The following ATRNL1 variants were observed in gnomAD, a reference collection of about 807,000 sequenced individuals.
ATRNL1 encodes attractin like 1.
ATRNL1 carries 95 observed loss-of-function variants against 182.7 expected under a neutral mutation model. That is an observed-to-expected ratio of 0.52 (90% CI 0.44 to 0.62). ATRNL1 has a LOEUF of 0.62. ATRNL1 is among the 20% of genes least tolerant of loss of function. The pLI is 0.00. For synonymous variants in ATRNL1, 576 were observed against 568.3 expected, an observed-to-expected ratio of 1.01 and a Z score of -0.19; for missense variants, 1,471 against 1,679.5, an observed-to-expected ratio of 0.88 and a Z score of 2.17.
At chr10:115,491,793 A>T (rs1319134542) in intron 24 of ATRNL1, among the ~76,000 whole-genome samples, 8 of 152,148 alleles carry the variant, frequency 5.3e-5, no homozygotes, top group African/African-American at 1.9e-4. Flanking sequence ...CCACTGGGAT[A>T]TGAAAAAGAA....
rs189525220 is a variant in ATRNL1 at position 115,798,964 on chromosome 10, C to T, written c.3904-48913C>T. Among the ~76,000 whole-genome samples, 494 of 151,762 alleles carry T rather than the reference C, an allele frequency of 3.3e-3. 4 individuals carry two copies. Among genetic ancestry groups the T allele is most frequent in the African/African-American group, 0.012 (486 of 41,342 alleles). On this transcript the variant is annotated intron_variant, in intron 27 of 28. Coordinates refer to ENST00000355044, the MANE Select transcript of ATRNL1 (RefSeq NM_207303.4). ...GCCTCAGCCTCCCCAGTAGCTGGGA[C>T]GACAGGCACGTGCCACCATGCCTGG...
intron 27 of ATRNL1, among the ~76,000 whole-genome samples, chr10:115,817,207 C>T (rs1262724397): frequency 6.6e-6 from 1 of 151,894 alleles, no homozygotes; most frequent in Admixed American, 6.6e-5. Flanking sequence ...ATCTCGTGGT[C>T]GGATTTGAAT....
At chr10:115,267,858 T>A (rs1406923304) in intron 12 of ATRNL1, among the ~76,000 whole-genome samples, 1 of 152,076 alleles carries the variant, frequency 6.6e-6, no homozygotes, top group Non-Finnish European at 1.5e-5. Flanking sequence ...GTCTCCTGGT[T>A]TCAAGCAATT....
At chr10:115,559,644 C>A (rs1171609983) in intron 26 of ATRNL1, among the ~76,000 whole-genome samples, 2 of 152,142 alleles carry the variant, frequency 1.3e-5, no homozygotes, top group Non-Finnish European at 2.9e-5. Flanking sequence ...AGCTTGGATG[C>A]AAATCACATG....
intron 26 of ATRNL1, among the ~76,000 whole-genome samples, chr10:115,706,030 T>C (rs1946885821): frequency 6.6e-6 from 1 of 151,932 alleles, no homozygotes. Context: ...TAGTTCCCTG[T>C]GGCTAGTACA....
intron 20 of ATRNL1, among the ~76,000 whole-genome samples, chr10:115,406,053 T>C (rs1844814709): frequency 6.6e-6 from 1 of 152,070 alleles, no homozygotes; most frequent in Non-Finnish European, 1.5e-5. Flanking sequence ...TAGTATTCCA[T>C]GGTGTATATG....
intron 27 of ATRNL1, among the ~76,000 whole-genome samples, chr10:115,813,742 T>G (rs1373748530): frequency 3.9e-5 from 6 of 152,214 alleles, no homozygotes; most frequent in African/African-American, 1.4e-4. Flanking sequence ...TAATAATATG[T>G]AGTTTTTTAA....
intron 27 of ATRNL1, among the ~76,000 whole-genome samples, chr10:115,780,049 G>A (rs1949224455): frequency 6.6e-6 from 1 of 152,174 alleles, no homozygotes; most frequent in Admixed American, 6.5e-5. Flanking sequence ...GCTGAAAGAG[G>A]CACTGAAGAG....
chr10:115,175,074 A>C (rs1847447902), intron 8 of ATRNL1, among the ~76,000 whole-genome samples: 1 of 151,920 alleles, frequency 6.6e-6, no homozygotes, highest in African/African-American at 2.4e-5. Flanking sequence ...TTACATAGAT[A>C]CTCTCTAATC....
intron 26 of ATRNL1, among the ~76,000 whole-genome samples, chr10:115,681,428 G>A (rs1363800181): frequency 6.6e-6 from 1 of 152,032 alleles, no homozygotes; most frequent in Non-Finnish European, 1.5e-5. Context: ...CCACTTTAAA[G>A]ATGTCAAAAC....
intron 26 of ATRNL1, among the ~76,000 whole-genome samples, chr10:115,573,504 G>A (rs1340034688): frequency 2.0e-5 from 3 of 151,946 alleles, no homozygotes; most frequent in African/African-American, 7.3e-5. Flanking sequence ...GCAGCTTTGG[G>A]GCACAAAAAC....
At chr10:115,500,174 CTTATGTATGTAA>C (rs1849751373) in intron 24 of ATRNL1, among the ~76,000 whole-genome samples, 1 of 152,052 alleles carries the variant, frequency 6.6e-6, no homozygotes, top group Admixed American at 6.6e-5. Flanking sequence ...ATGAATGTGG[CTTATGTATGTAA>C]ATAGATTGCT....
chr10:115,626,760 T>C lies in ATRNL1; in HGVS notation c.3795+77224T>C, dbSNP rs112380492. On this transcript the variant is annotated intron_variant, in intron 26 of 28. Transcript: ENST00000355044. Reference sequence around the variant, plus strand: ...TATTTATTACTTATTCATATAGATATAAAATTTATTTTTCAAACTCAAGTT... The same window carrying C: ...TATTTATTACTTATTCATATAGATACAAAATTTATTTTTCAAACTCAAGTT... 5.8e-3 allele frequency among the ~76,000 whole-genome samples: 887 copies of C among 152,278 alleles called. 4 individuals carry two copies. The highest frequency in any genetic ancestry group is 0.02 in the African/African-American group (843 of 41,578).
intron 9 of ATRNL1, among the ~76,000 whole-genome samples, chr10:115,218,135 T>G (rs1554896664): frequency 6.6e-6 from 1 of 151,926 alleles, no homozygotes; most frequent in African/African-American, 2.4e-5. Flanking sequence ...CTCACCATAA[T>G]GTAGAATAAG....
At chr10:115,586,786 A>G (rs4298816) in intron 26 of ATRNL1, among the ~76,000 whole-genome samples, 108,169 of 111,866 alleles carry the variant, frequency 0.97, 52,688 homozygotes, top group Non-Finnish European at 1. Flanking sequence ...GCTTTGTTCC[A>G]TTGCTGGTGA....
intron 1 of ATRNL1, among the ~76,000 whole-genome samples, chr10:115,107,237 C>T (rs1844050997): frequency 6.6e-6 from 1 of 152,118 alleles, no homozygotes; most frequent in African/African-American, 2.4e-5. Context: ...GGCAAATTCC[C>T]TTCCAGCTGT....
chr10:115,232,522 GTGTAA>G (rs1849998883), intron 9 of ATRNL1, among the ~76,000 whole-genome samples: 1 of 151,918 alleles, frequency 6.6e-6, no homozygotes, highest in Non-Finnish European at 1.5e-5. Context: ...TTTACTCTTT[GTGTAA>G]TATTTGATAA....
intron 28 of ATRNL1, among the ~76,000 whole-genome samples, chr10:115,936,546 C>T (rs1343761142): frequency 6.6e-6 from 1 of 152,104 alleles, no homozygotes; most frequent in Non-Finnish European, 1.5e-5. Flanking sequence ...TTGGTAGTAA[C>T]AGATTATTAT....
chr10:115,738,134 T>TTGTTTTTTTTTTTG (rs1948019775), intron 27 of ATRNL1, among the ~76,000 whole-genome samples: 2 of 83,266 alleles, frequency 2.4e-5, no homozygotes, highest in Admixed American at 1.3e-4. Flanking sequence ...TGATTTTTTT[T>TTGTTTTTTTTTTTG]TTTTTTTTTT....
Sources: allele counts gnomAD v4.1 joint callset (sites outside exome capture counted in the v4.1 genomes callset), GRCh38; gene constraint gnomAD v4.1.1; transcripts MANE v1.5; gene names NCBI Gene and HGNC (gene_info 2026-07-23, HGNC 2026-07-21).